Variants in FAM111B observed in about 807,000 individuals in gnomAD.
FAM111B encodes FAM111 trypsin like peptidase B, also known as serine protease FAM111B.
FAM111B carries 1 observed loss-of-function variant against 2.8 expected under a neutral mutation model. The ratio of observed to expected loss-of-function variants is 0.36; its 90% CI spans 0.13 to 1.70. The LOEUF (loss-of-function observed/expected upper bound fraction) is 1.70. Ranked by LOEUF, FAM111B falls within the 40% of genes most tolerant of loss-of-function variation. The pLI, the probability that FAM111B is intolerant of heterozygous loss-of-function variation, is 0.35. For missense variants in FAM111B, 882 were observed against 878.9 expected (o/e 1.00, Z -0.04); for synonymous variants, 297 against 295.6 (o/e 1.00, Z -0.05).
At chr11:59,112,844 G>T (rs1859780659) in intron 3 of FAM111B, among the ~76,000 whole-genome samples, 1 of 152,100 alleles carries the variant, frequency 6.6e-6, no homozygotes, top group Non-Finnish European at 1.5e-5. Context: ...GTTAGTTATT[G>T]CTGAGTTTTG....
intron 3 of FAM111B, among the ~76,000 whole-genome samples, chr11:59,122,718 A>G (rs1231557536): frequency 6.6e-6 from 1 of 152,198 alleles, no homozygotes; most frequent in Non-Finnish European, 1.5e-5. Context: ...GCAACAAAAT[A>G]TTAATATCTG....
Position 59,124,358 on chromosome 11 carries a change from A to C in FAM111B, c.261A>C (p.Gly87=), listed in dbSNP as rs1298169045. ...GTTGTTTCACCTTTACGTTGAATGG[A>C]AACTCCAGAAAATTAGACCGTAGTG... ...KECCFTFTLN[G]NSRKLDRSVF... Residue 87 remains glycine, a synonymous_variant, in exon 4 of 4, where the codon GGA becomes GGC. Coordinates refer to ENST00000343597, the MANE Select transcript of FAM111B (RefSeq NM_198947.4). The C allele has an allele frequency of 1.2e-6, 2 of 1,613,752 alleles. No homozygotes were observed. Among genetic ancestry groups the C allele is most frequent in the Admixed American group, 1.7e-5 (1 of 59,988 alleles).
In FAM111B at chr11:59,124,377, C is replaced by T. The variant is rs746511108; in HGVS notation, c.280C>T (p.Arg94Cys). The T allele has an allele frequency of 2.9e-4, 460 of 1,613,588 alleles. 2 individuals are homozygous for T. In the South Asian group the frequency reaches 4.5e-3, roughly 16 times the overall value. ...GAATGGAAACTCCAGAAAATTAGAC[C>T]GTAGTGTGTTTACAGCATATGGTAA... ...TLNGNSRKLD[R>C]SVFTAYGKPS... The change falls in exon 4 of 4, where the codon CGT becomes TGT. Residue 94 changes from arginine (R) to cysteine (C), a missense_variant. Coordinates refer to ENST00000343597, the MANE Select transcript of FAM111B (RefSeq NM_198947.4).
At position 59,126,442 on chromosome 11, in the gene FAM111B, A is replaced by T; in HGVS notation, c.*140A>T. 2 of 624,800 alleles carry T rather than the reference A, an allele frequency of 3.2e-6. No homozygotes were observed. The highest frequency in any genetic ancestry group is 5.2e-6 in the Non-Finnish European group (2 of 387,152). 38.7% of individuals were successfully genotyped at this position (624,800 alleles called of 1,614,324 possible). ...AATCTTCTGCACAGCAAAAGAAACT[A>T]TCAACAGGGTAAACACACAACCTAC... is the stretch of plus-strand genomic sequence containing the variant. On this transcript the variant is annotated 3_prime_UTR_variant, in exon 4 of 4. Transcript: ENST00000343597.
At chr11:59,120,338 C>T (rs1297880177) in intron 3 of FAM111B, among the ~76,000 whole-genome samples, 1 of 152,174 alleles carries the variant, frequency 6.6e-6, no homozygotes, top group African/African-American at 2.4e-5. Context: ...TGGTGTGAAT[C>T]TTTGCGTCCC....
intron 3 of FAM111B, among the ~76,000 whole-genome samples, chr11:59,115,895 A>T (rs966229736): frequency 6.6e-6 from 1 of 152,196 alleles, no homozygotes; most frequent in African/African-American, 2.4e-5. Context: ...GCCAGTGAGG[A>T]TGGCACCAGT....
Position 59,127,017 on chromosome 11 carries a change from A to G in FAM111B, c.*715A>G, listed in dbSNP as rs1403724595. ...CCCATCAATGGTAGACTGGATAAAG[A>G]AAATGTGACACATATACACCATAGC... On this transcript the variant is annotated 3_prime_UTR_variant, in exon 4 of 4. Coordinates refer to ENST00000343597, the MANE Select transcript of FAM111B (RefSeq NM_198947.4). The G allele has an allele frequency of 6.6e-6, 1 of 152,364 alleles. No individual in the cohort carries two copies. Among genetic ancestry groups the G allele is most frequent in the African/African-American group, 2.4e-5 (1 of 41,460 alleles). 9.4% of individuals were successfully genotyped at this position (152,364 alleles called of 1,614,324 possible).
At chr11:59,109,186 T>C (rs1447659962) in intron 2 of FAM111B, among the ~76,000 whole-genome samples, 2 of 152,218 alleles carry the variant, frequency 1.3e-5, no homozygotes, top group East Asian at 1.9e-4. Flanking sequence ...TTTTCAACAG[T>C]TTCGTTCCAC....
chr11:59,117,962 G>A (rs1011179572), intron 3 of FAM111B, among the ~76,000 whole-genome samples: 3 of 152,142 alleles, frequency 2.0e-5, no homozygotes, highest in Admixed American at 2.0e-4. Context: ...TTGAGCAAGG[G>A]GCTCAAGAGC....
Position 59,126,376 on chromosome 11 carries a change from A to G in FAM111B, c.*74A>G, listed in dbSNP as rs1003800601. ...ATTTCATGACAAAGACACTTAAAGC[A>G]ATTGCAACAAAAGTGAAAATTGGCA... On this transcript the variant is annotated 3_prime_UTR_variant, in exon 4 of 4. Coordinates refer to ENST00000343597, the MANE Select transcript of FAM111B (RefSeq NM_198947.4). 4 of 1,269,440 alleles carry G rather than the reference A, an allele frequency of 3.2e-6. No individual in the cohort carries two copies. The African/African-American group carries it at 6.0e-5, about 19-fold the overall frequency. The allele number at this position is 1,269,440 out of a possible 1,614,324, so 78.6% of individuals were successfully genotyped here.
At chr11:59,120,099 AT>A (rs1351760427) in intron 3 of FAM111B, among the ~76,000 whole-genome samples, 1 of 152,256 alleles carries the variant, frequency 6.6e-6, no homozygotes, top group African/African-American at 2.4e-5. Context: ...TTACCTGGAA[AT>A]AAATGTAAAA....
chr11:59,109,452 C>T (rs1331896146), intron 2 of FAM111B, 88 bp from the exon 3 acceptor site: 3 of 486,386 alleles, frequency 6.2e-6, no homozygotes, highest in Non-Finnish European at 1.1e-5. Context: ...ATTTTCTTCT[C>T]AGATATCAGA....
At chr11:59,115,429 C>T (rs1859824144) in intron 3 of FAM111B, among the ~76,000 whole-genome samples, 1 of 152,196 alleles carries the variant, frequency 6.6e-6, no homozygotes, top group South Asian at 2.1e-4. Context: ...CACACTAAAA[C>T]ACCCAGCTTC....
At chr11:59,113,901 G>A (rs1020577337) in intron 3 of FAM111B, among the ~76,000 whole-genome samples, 1 of 152,322 alleles carries the variant, frequency 6.6e-6, no homozygotes, top group Middle Eastern at 3.4e-3. Context: ...CTGGCCCCTC[G>A]GCAAACTTTA....
intron 3 of FAM111B, among the ~76,000 whole-genome samples, chr11:59,113,949 G>A (rs968114361): frequency 2.6e-5 from 4 of 152,264 alleles, no homozygotes; most frequent in Admixed American, 2.6e-4. Flanking sequence ...GCATGTGAAA[G>A]AAGGACAGAG....
In FAM111B at chr11:59,125,894, G is replaced by GA; in HGVS notation, c.1803dup (p.Tyr602IlefsTer14). 6.2e-7 allele frequency: 1 copy of GA among 1,613,784 alleles called. No homozygotes were observed. The highest frequency in any genetic ancestry group is 8.5e-7 in the Non-Finnish European group (1 of 1,179,798). Reference sequence around the variant, plus strand: ...CTGTGATTCCTCTAAACGAACGATTGAAAAAATATCCAAACGATTGTCAAG... The same window carrying GA: ...CTGTGATTCCTCTAAACGAACGATTGAAAAAAATATCCAAACGATTGTCAAG... On this transcript the variant is annotated frameshift_variant, in exon 4 of 4. Transcript: ENST00000343597. LOFTEE classifies it low-confidence loss of function (END_TRUNC).
rs770921473 is a variant in FAM111B, at chr11:59,124,547, G to GC, written c.452dup (p.Ser152Ter). 7.4e-6 allele frequency: 12 copies of GC among 1,613,556 alleles called. No homozygotes were observed. The highest frequency in any genetic ancestry group is 1.0e-5 in the Non-Finnish European group (12 of 1,179,674). Reference sequence around the variant, plus strand: ...ATTTAGGAATGCCTCTCAAGTGCCTGCCTAGTGATTCTCATTTTAAAATTA... The same window carrying GC: ...ATTTAGGAATGCCTCTCAAGTGCCTGCCCTAGTGATTCTCATTTTAAAATTA... On this transcript the variant is annotated frameshift_variant, in exon 4 of 4. Coordinates refer to ENST00000343597, the MANE Select transcript of FAM111B (RefSeq NM_198947.4). LOFTEE classifies it low-confidence loss of function (END_TRUNC).
intron 1 of FAM111B, 94 bp downstream of exon 1, chr11:59,107,390 G>A (rs1440378073): frequency 6.6e-6 from 1 of 152,656 alleles, no homozygotes; most frequent in African/African-American, 2.4e-5. Context: ...CCAAAGTCAA[G>A]GGGGTTTTGG....
At chr11:59,112,782 C>A (rs1050492266) in intron 3 of FAM111B, among the ~76,000 whole-genome samples, 3 of 152,108 alleles carry the variant, frequency 2.0e-5, no homozygotes, top group African/African-American at 7.2e-5. Context: ...TTTATATCAT[C>A]CACATATCTT....
Sources: allele counts gnomAD v4.1 joint callset (sites outside exome capture counted in the v4.1 genomes callset), GRCh38; gene constraint gnomAD v4.1.1; transcripts MANE v1.5; gene names NCBI Gene and HGNC (gene_info 2026-07-23, HGNC 2026-07-21).